The following LRRD1 variants were observed in gnomAD, a reference collection of about 807,000 sequenced individuals.
The protein encoded by LRRD1 is leucine-rich repeat and death domain-containing protein 1.
LRRD1 carries 49 observed loss-of-function variants against 69.5 expected under a neutral mutation model. That is an observed-to-expected ratio of 0.70 (90% CI 0.56 to 0.89). LRRD1 has a LOEUF of 0.89. Ranked by LOEUF, LRRD1 falls within the 40% of genes least tolerant of loss-of-function variation. The probability of loss-of-function intolerance (pLI) is 0.00; values close to 1 mark genes in which losing one functional copy is unlikely to be tolerated. For synonymous variants in LRRD1, 303 were observed against 338.9 expected, an observed-to-expected ratio of 0.89 and a Z score of 1.16; for missense variants, 853 against 956.0, an observed-to-expected ratio of 0.89 and a Z score of 1.42.
At chr7:92,165,982 T>G (rs1025609816) in intron 1 of LRRD1, among the ~76,000 whole-genome samples, 5 of 152,054 alleles carry the variant, frequency 3.3e-5, no homozygotes, top group African/African-American at 1.2e-4. Flanking sequence ...AGTGTCTTGC[T>G]CTAACAAATT....
rs1369271647 is a variant in LRRD1 at position 92,164,191 on chromosome 7, GC to G, written c.1011del (p.Lys337AsnfsTer7). 3.2e-6 allele frequency: 5 copies of G among 1,549,330 alleles called. No homozygotes were observed. Among genetic ancestry groups the G allele is most frequent in the Non-Finnish European group, 4.4e-6 (5 of 1,146,360 alleles). ...AAAATTTCTACAGCCAGAAAGGTAA[GC>G]TTATTGTGATCCATTAAAAGTGTTT... ...NLETLLMDHN[K>X]LTFLAVEIFQ... On this transcript the variant is annotated frameshift_variant, in exon 2 of 6. Transcript: ENST00000458448. LOFTEE classifies it high-confidence loss of function.
chr7:92,150,709 A>G lies in LRRD1; in HGVS notation c.2117-14T>C. On this transcript the variant is annotated splice_polypyrimidine_tract_variant and intron_variant, in intron 3 of 5. Transcript: ENST00000458448. ...TCAGATTATTTCCTAGTAGAAAAAA[A>G]TTAGAATTGAATTACATCTTTCTAT... 2 of 1,502,072 alleles carry G rather than the reference A, an allele frequency of 1.3e-6. No homozygotes were observed. Among genetic ancestry groups the G allele is most frequent in the Non-Finnish European group, 1.8e-6 (2 of 1,110,844 alleles). The allele number at this position is 1,502,072 out of a possible 1,614,324, so 93.0% of individuals were successfully genotyped here.
chr7:92,147,859 G>C (rs1343973886), intron 4 of LRRD1, among the ~76,000 whole-genome samples: 3 of 152,106 alleles, frequency 2.0e-5, no homozygotes, highest in Non-Finnish European at 4.4e-5. Flanking sequence ...ACCCCCGCAA[G>C]TAGCTGGGAC....
At chr7:92,173,869 T>A (rs1268228805) in intron 1 of LRRD1, among the ~76,000 whole-genome samples, 2 of 152,188 alleles carry the variant, frequency 1.3e-5, no homozygotes, top group South Asian at 2.1e-4. Flanking sequence ...CAAAGAGATA[T>A]CTACACTCCA....
intron 1 of LRRD1, among the ~76,000 whole-genome samples, chr7:92,168,752 G>A (rs1788983929): frequency 6.6e-6 from 1 of 151,428 alleles, no homozygotes; most frequent in Non-Finnish European, 1.5e-5. Context: ...GCCAGACGAA[G>A]ACTGGAAGAA....
At chr7:92,169,203 GTCACCGCTTCCTTAAAACTGCCATTTTA>G (rs1408236570) in intron 1 of LRRD1, among the ~76,000 whole-genome samples, 2 of 152,028 alleles carry the variant, frequency 1.3e-5, no homozygotes, top group African/African-American at 4.8e-5. Flanking sequence ...ATAGGCGTGA[GTCACCGCTTCCTTAAAACTGCCATTTTA>G]AGGCAGTGAT....
chr7:92,173,385 A>G (rs527872260), intron 1 of LRRD1, among the ~76,000 whole-genome samples: 1 of 152,358 alleles, frequency 6.6e-6, no homozygotes, highest in Non-Finnish European at 1.5e-5. Context: ...CAGCAAAGGA[A>G]GCAATCAACA....
chr7:92,143,629 G>A (rs1177647468), downstream of LRRD1, among the ~76,000 whole-genome samples: 3 of 152,126 alleles, frequency 2.0e-5, no homozygotes, highest in Non-Finnish European at 4.4e-5. Flanking sequence ...GTGCGGGGCC[G>A]CCGAGCCCAC....
At chr7:92,176,944 GTA>G (rs57132257) in intron 1 of LRRD1, among the ~76,000 whole-genome samples, 207 of 142,390 alleles carry the variant, frequency 1.5e-3, no homozygotes, top group Middle Eastern at 7.4e-3. Context: ...GTTTGTGTGT[GTA>G]TATATATATA....
downstream of LRRD1, chr7:92,142,693 C>A (rs1297934369): frequency 2.5e-6 from 1 of 404,208 alleles, no homozygotes; most frequent in East Asian, 7.1e-5. Context: ...CTGGTGGGAT[C>A]GTGGTCTCGC....
At chr7:92,160,679 G>A (rs953852381) in intron 2 of LRRD1, among the ~76,000 whole-genome samples, 28 of 152,142 alleles carry the variant, frequency 1.8e-4, no homozygotes, top group Non-Finnish European at 3.4e-4. Context: ...TGGACGTGGA[G>A]GTGAGTGCCT....
chr7:92,150,406 A>T (rs1820436402), intron 4 of LRRD1, 128 bp downstream of exon 4: 1 of 732,502 alleles, frequency 1.4e-6, no homozygotes. Context: ...CCGAGGCTGC[A>T]GTGAGTCGTG....
At chr7:92,143,632 G>A (rs1820232982), downstream of LRRD1, among the ~76,000 whole-genome samples, 1 of 152,148 alleles carries the variant, frequency 6.6e-6, no homozygotes, top group Non-Finnish European at 1.5e-5. Context: ...CGGGGCCGCC[G>A]AGCCCACGCG....
In LRRD1 at chr7:92,164,156, G is replaced by A. The variant is rs1788851266; in HGVS notation, c.1047C>T (p.Leu349=). 4 of 1,547,602 alleles carry A rather than the reference G, an allele frequency of 2.6e-6. No homozygotes were observed. The highest frequency in any genetic ancestry group is 4.9e-5 in the East Asian group (2 of 40,782). Residue 349 remains leucine, a synonymous_variant, in exon 2 of 6, where the codon CTC becomes CTT. Transcript: ENST00000458448. The part of the protein sequence containing the change: ...TFLAVEIFQL[L]KIKELQLADN... ...CGGCCAGTTGGAGTTCTTTTATTTT[G>A]AGTAACTGAAAAATTTCTACAGCCA...
chr7:92,153,369 A>G (rs1256738234), intron 3 of LRRD1, among the ~76,000 whole-genome samples: 2 of 152,016 alleles, frequency 1.3e-5, no homozygotes, highest in Non-Finnish European at 2.9e-5. Flanking sequence ...CCGGCCTCTT[A>G]TGCTTATTTT....
chr7:92,148,953 T>C (rs1475687508), intron 4 of LRRD1, among the ~76,000 whole-genome samples: 1 of 152,168 alleles, frequency 6.6e-6, no homozygotes, highest in Admixed American at 6.5e-5. Flanking sequence ...TTCACCATGT[T>C]GGCCAGGCTG....
intron 4 of LRRD1, among the ~76,000 whole-genome samples, chr7:92,149,623 T>A (rs1385567084): frequency 2.0e-5 from 3 of 152,194 alleles, no homozygotes; most frequent in African/African-American, 7.2e-5. Flanking sequence ...ATCAAAATAT[T>A]TCAGACAGAT....
chr7:92,167,876 CAAAAAAAAAAA>C lies in LRRD1; in HGVS notation c.-74-2611_-74-2601del, dbSNP rs542619786. On this transcript the variant is annotated intron_variant, in intron 1 of 5. Coordinates refer to ENST00000458448, the MANE Select transcript of LRRD1 (RefSeq NM_001161528.2). The stretch of plus-strand genomic sequence containing the variant: ...TGGGCAACACAGCGAGACTCTGTCT[CAAAAAAAAAAA>C]AAAAAAAAAAAAAAAAAAAAATAAG... 3.7e-3 allele frequency among the ~76,000 whole-genome samples: 171 copies of C among 46,188 alleles called. 2 individuals are homozygous for C. The highest frequency in any genetic ancestry group is 0.014 in the African/African-American group (143 of 10,538). 30.3% of individuals were successfully genotyped at this position (46,188 alleles called of 152,430 possible).
intron 4 of LRRD1, 82 bp downstream of exon 4, chr7:92,150,452 G>A (rs1378153382): frequency 1.6e-6 from 2 of 1,242,350 alleles, no homozygotes; most frequent in African/African-American, 3.1e-5. Context: ...GTGTCAGAGT[G>A]AGACCCTGTC....
Sources: allele counts gnomAD v4.1 joint callset (sites outside exome capture counted in the v4.1 genomes callset), GRCh38; gene constraint gnomAD v4.1.1; transcripts MANE v1.5; gene names NCBI Gene and HGNC (gene_info 2026-07-23, HGNC 2026-07-21).